The following TMEM214 variants were observed in gnomAD, a reference collection of about 807,000 sequenced individuals.
The protein encoded by TMEM214 is transmembrane protein 214.
A neutral mutation model predicts 89.8 loss-of-function variants in TMEM214; 71 were observed. The ratio of observed to expected loss-of-function variants is 0.79; its 90% CI spans 0.65 to 0.96. TMEM214 has a LOEUF of 0.96. Ranked by LOEUF, TMEM214 falls within the 40% of genes least tolerant of loss-of-function variation. The probability of loss-of-function intolerance (pLI) is 0.00; values close to 1 mark genes in which losing one functional copy is unlikely to be tolerated. For missense variants in TMEM214, 754 were observed against 843.4 expected (o/e 0.89, Z 1.31); for synonymous variants, 332 against 349.5 (o/e 0.95, Z 0.56).
rs781267918 is a variant in TMEM214 at position 27,040,059 on chromosome 2, G to A, written c.1652G>A (p.Gly551Asp). The A allele has an allele frequency of 1.2e-6, 2 of 1,607,598 alleles. No individual in the cohort carries two copies. Among genetic ancestry groups the A allele is most frequent in the Admixed American group, 3.3e-5 (2 of 60,022 alleles). The change falls in exon 15 of 17, where the codon GGC (glycine) becomes GAC (aspartate). Residue 551 changes from glycine (G) to aspartate (D), a missense_variant. Transcript: ENST00000238788. The part of the protein sequence containing the change: ...SWLGETLPLW[G>D]SHLLTVVRPS... ...CTGGGGGAGACACTGCCGCTCTGGGGCTCCCACCTGCTCACCGTGGTGCGG... is the reference window on the plus strand; with the variant it reads ...CTGGGGGAGACACTGCCGCTCTGGGACTCCCACCTGCTCACCGTGGTGCGG...
rs1558395925 is a variant in TMEM214, at chr2:27,035,764, G to A, written c.637+36G>A. ...CACGGGAGGGATGACCATCTTGGGA[G>A]CCTCCTCCTTTTTTTCCTGCTTCCA... is the stretch of plus-strand genomic sequence containing the variant. On this transcript the variant is annotated intron_variant, in intron 4 of 16. Coordinates refer to ENST00000238788, the MANE Select transcript of TMEM214 (RefSeq NM_017727.5). The A allele has an allele frequency of 1.9e-6, 3 of 1,613,382 alleles. No homozygotes were observed. In the African/African-American group the frequency reaches 4.0e-5, roughly 22 times the overall value.
chr2:27,036,710 C>G lies in TMEM214; in HGVS notation c.832C>G (p.Leu278Val). ...ANLTEGLKVW[L>V]GIMLPVLGIK... ...CGTGACTTTTACCCCTGCAGTGTGG[C>G]TGGGGATCATGCTGCCTGTGCTGGG... The change falls in exon 7 of 17, where the codon CTG becomes GTG. Residue 278 changes from leucine (L) to valine (V), a missense_variant. By Grantham distance (32) the Leu-to-Val change is conservative. Transcript: ENST00000238788. 1 of 1,614,208 alleles carries G rather than the reference C, an allele frequency of 6.2e-7. No homozygotes were observed. The highest frequency in any genetic ancestry group is 8.5e-7 in the Non-Finnish European group (1 of 1,180,038).
chr2:27,035,687 A>G lies in TMEM214; in HGVS notation c.596A>G (p.His199Arg). The G allele has an allele frequency of 1.2e-6, 2 of 1,614,072 alleles. No individual in the cohort carries two copies. Among genetic ancestry groups the G allele is most frequent in the Non-Finnish European group, 1.7e-6 (2 of 1,180,022 alleles). The change falls in exon 4 of 17, where the codon CAC becomes CGC. Residue 199 changes from histidine (H) to arginine (R), a missense_variant. Physicochemically the swap from His to Arg is conservative, Grantham distance 29. Transcript: ENST00000238788. ...AAGSLELFFDHCLFTMLQELD... is the reference protein window; with the variant it reads ...AAGSLELFFDRCLFTMLQELD... The stretch of plus-strand genomic sequence containing the variant: ...GGGTCTCTGGAGCTCTTTTTTGACC[A>G]CTGTCTGTTCACCATGTTGCAAGAG...
chr2:27,039,799 G>A lies in TMEM214; in HGVS notation c.1584G>A (p.Ala528=), dbSNP rs199757569. 46 of 1,614,194 alleles carry A rather than the reference G, an allele frequency of 2.8e-5. No homozygotes were observed. Among genetic ancestry groups the A allele is most frequent in the Admixed American group, 3.3e-5 (2 of 60,028 alleles). ...GCTTCTTACCTGCTAGCCAACAAGC[G>A]TGTGCCAAGCTCTACTCCTACAGTC... The part of the protein sequence containing the change: ...SSGFLPASQQ[A]CAKLYSYSLQ... Residue 528 remains alanine (A), a synonymous_variant, in exon 14 of 17, where the codon GCG becomes GCA. Coordinates refer to ENST00000238788, the MANE Select transcript of TMEM214 (RefSeq NM_017727.5).
In TMEM214 at chr2:27,038,529, G is replaced by A; in HGVS notation, c.1290G>A (p.Lys430=). The A allele has an allele frequency of 6.2e-7, 1 of 1,614,060 alleles. No homozygotes were observed. The highest frequency in any genetic ancestry group is 8.5e-7 in the Non-Finnish European group (1 of 1,180,000). Residue 430 remains lysine (K), a synonymous_variant, in exon 11 of 17, where the codon AAG becomes AAA. Coordinates refer to ENST00000238788, the MANE Select transcript of TMEM214 (RefSeq NM_017727.5). This position sits in a 1 kb window ranked among gnomAD's most constrained non-coding sequence, Gnocchi z 4.4. ...TCAGCTCCTGGGAGCAGATTCCCAAGAAGGTGAGGAGCTGGGAGGACGTGG... is the reference window on the plus strand; with the variant it reads ...TCAGCTCCTGGGAGCAGATTCCCAAAAAGGTGAGGAGCTGGGAGGACGTGG... ...HLLSSWEQIP[K]KVQKSLQETI...
At chr2:27,037,431 T>A in intron 8 of TMEM214, 130 bp from the exon 9 acceptor site, 1 of 1,184,228 alleles carries the variant, frequency 8.4e-7, no homozygotes, top group Non-Finnish European at 1.2e-6. Context: ...AGTAAAAAGA[T>A]TCAGAGCCAT....
chr2:27,035,070 C>T (rs962032769), intron 2 of TMEM214, 65 bp from the exon 3 acceptor site: 3 of 1,594,320 alleles, frequency 1.9e-6, no homozygotes, highest in Admixed American at 1.7e-5. Context: ...CCACCCCTAC[C>T]CCATTTCTTT....
At chr2:27,039,924 T>C in intron 14 of TMEM214, 87 bp downstream of exon 14, 2 of 1,596,690 alleles carry the variant, frequency 1.3e-6, no homozygotes, top group Non-Finnish European at 8.6e-7. Context: ...TGGGAAGCGC[T>C]TGTGATTCTC....
chr2:27,035,310 CT>C, intron 3 of TMEM214, 25 bp downstream of exon 3: 1 of 1,613,946 alleles, frequency 6.2e-7, no homozygotes, highest in Non-Finnish European at 8.5e-7. Flanking sequence ...CTTCCTCAAG[CT>C]CAGACAAGTT....
rs1237292285 is a variant in TMEM214 at position 27,035,232 on chromosome 2, A to G, written c.449A>G (p.Asn150Ser). Residue 150 changes from asparagine to serine, a missense_variant, in exon 3 of 17, where the codon AAC becomes AGC. Physicochemically the swap from Asn to Ser is conservative, Grantham distance 46. Transcript: ENST00000238788. ...TTGAAGGACCTGGCCAGCTATCTCA[A>G]CTACAAGCTACAAGCTCCTCTAAGT... ...IWLKDLASYL[N>S]YKLQAPLSEP... The G allele has an allele frequency of 7.4e-6, 12 of 1,614,160 alleles. No homozygotes were observed. Among genetic ancestry groups the G allele is most frequent in the South Asian group, 1.1e-5 (1 of 91,082 alleles).
At chr2:27,037,483 C>T in intron 8 of TMEM214, 78 bp from the exon 9 acceptor site, 1 of 1,577,946 alleles carries the variant, frequency 6.3e-7, no homozygotes, top group South Asian at 1.1e-5. Flanking sequence ...CAGGCATGGG[C>T]TCTGAAGCAA....
chr2:27,035,094 C>T, intron 2 of TMEM214, 41 bp from the exon 3 acceptor site: 1 of 1,610,520 alleles, frequency 6.2e-7, no homozygotes, highest in Non-Finnish European at 8.5e-7. Context: ...CCCTCACTCA[C>T]AACTCGCCAT....
intron 14 of TMEM214, 24 bp downstream of exon 14, chr2:27,039,861 G>A (rs758634668): frequency 6.2e-7 from 1 of 1,610,554 alleles, no homozygotes; most frequent in Non-Finnish European, 8.5e-7. Context: ...AGGGAGGGGA[G>A]AGGAGAGGCA....
At chr2:27,036,394 C>T (rs1667559105) in intron 5 of TMEM214, 93 bp from the exon 6 acceptor site, 2 of 1,092,620 alleles carry the variant, frequency 1.8e-6, no homozygotes, top group Non-Finnish European at 2.8e-6. Flanking sequence ...TGTCCTCCCT[C>T]TTCCAGTTGA....
At chr2:27,036,213 A>G (rs1667551209) in intron 5 of TMEM214, among the ~76,000 whole-genome samples, 161 bp downstream of exon 5, 1 of 152,256 alleles carries the variant, frequency 6.6e-6, no homozygotes. Flanking sequence ...CTCTGGAAAC[A>G]TAGGAGCAAG....
intron 2 of TMEM214, among the ~76,000 whole-genome samples, chr2:27,034,827 G>T (rs1351146674): frequency 6.6e-6 from 1 of 151,516 alleles, no homozygotes; most frequent in Non-Finnish European, 1.5e-5. Context: ...CAGGTGATCC[G>T]CCCACCTTGG....
chr2:27,040,985 T>C lies in TMEM214; in HGVS notation c.*148T>C. 1.0e-6 allele frequency: 1 copy of C among 966,926 alleles called. No homozygotes were observed. Among genetic ancestry groups the C allele is most frequent in the Non-Finnish European group, 1.5e-6 (1 of 658,876 alleles). 59.9% of individuals were successfully genotyped at this position (966,926 alleles called of 1,614,324 possible). ...TGGCCAGTTGCCTCCACCTCAGTTC[T>C]TCCATCTTTGGTGGGGACAGGGCCC... On this transcript the variant is annotated 3_prime_UTR_variant, in exon 17 of 17. Transcript: ENST00000238788.
chr2:27,040,658 A>G (rs948292006), intron 16 of TMEM214, 53 bp from the exon 17 acceptor site: 1 of 1,603,882 alleles, frequency 6.2e-7, no homozygotes, highest in East Asian at 2.2e-5. Context: ...CATCCCCGAA[A>G]GTTGACACAG....
chr2:27,038,961 C>A lies in TMEM214; in HGVS notation c.1408-86C>A. On this transcript the variant is annotated intron_variant, in intron 12 of 16. Transcript: ENST00000238788. The surrounding 1 kb of genome is among the most constrained non-coding windows in gnomAD (Gnocchi z 4.4). ...ATAATGTGAAGGCTTGACGCTCTTT[C>A]GGGAAGGCCTGGCTTGAGGTCTGCC... 6.6e-7 allele frequency: 1 copy of A among 1,505,370 alleles called. No individual in the cohort carries two copies. The highest frequency in any genetic ancestry group is 1.7e-5 in the Admixed American group (1 of 59,598). The allele number at this position is 1,505,370 out of a possible 1,614,324, so 93.3% of individuals were successfully genotyped here. A position where few individuals can be genotyped will look rare whatever the true frequency, so the allele number is the denominator to read the frequency against.
Sources: allele counts gnomAD v4.1 joint callset (sites outside exome capture counted in the v4.1 genomes callset), GRCh38; gene constraint gnomAD v4.1.1; non-coding constraint Gnocchi (gnomAD v3.1); transcripts MANE v1.5; gene names NCBI Gene and HGNC (gene_info 2026-07-23, HGNC 2026-07-21).